The following SLC38A12 variants were observed in gnomAD, a reference collection of about 807,000 sequenced individuals.
The protein encoded by SLC38A12 is putative sodium-coupled neutral amino acid transporter 12.
the SLC38A12 span, among the ~76,000 whole-genome samples, chr17:74,795,345 T>A: frequency 3.3e-5 from 5 of 152,268 alleles, no homozygotes; most frequent in South Asian, 1.0e-3. Context: ...TCCTGAGTCA[T>A]TGGGAAATGG....
the SLC38A12 span, among the ~76,000 whole-genome samples, chr17:74,784,187 G>A: frequency 2.4e-4 from 37 of 152,240 alleles, no homozygotes; most frequent in African/African-American, 7.5e-4. Context: ...AATGAGAAAT[G>A]GGTAAGCATT....
At chr17:74,818,845 TC>T in the SLC38A12 span, among the ~76,000 whole-genome samples, 1 of 152,152 alleles carries the variant, frequency 6.6e-6, no homozygotes, top group African/African-American at 2.4e-5. Flanking sequence ...ATTCCTCTAC[TC>T]CCTGAGCAAC....
At chr17:74,790,913 C>T in the SLC38A12 span, 5 of 1,588,000 alleles carry the variant, frequency 3.1e-6, no homozygotes, top group East Asian at 2.2e-5. Context: ...AAGCTCTCCA[C>T]GTGAAGAACC....
At chr17:74,789,845 CAAAAAAAAAAAA>C in the SLC38A12 span, among the ~76,000 whole-genome samples, 2 of 47,434 alleles carry the variant, frequency 4.2e-5, no homozygotes, top group African/African-American at 7.3e-5. Context: ...AACTTCGTCT[CAAAAAAAAAAAA>C]AAAAAAAAAA....
At chr17:74,789,722 G>C in the SLC38A12 span, among the ~76,000 whole-genome samples, 3 of 151,598 alleles carry the variant, frequency 2.0e-5, no homozygotes, top group South Asian at 4.2e-4. Context: ...GCAAGTGCCT[G>C]TAATCTCAGC....
At chr17:74,838,136 C>T in the SLC38A12 span, 1 of 985,664 alleles carries the variant, frequency 1.0e-6, no homozygotes, top group Non-Finnish European at 1.2e-6. Context: ...TCTGCCCTGG[C>T]AGCTGAAGCC....
chr17:74,807,962 T>C, the SLC38A12 span, among the ~76,000 whole-genome samples: 1 of 152,238 alleles, frequency 6.6e-6, no homozygotes. Context: ...AGCCGGGCTG[T>C]CCTCTATAAA....
the SLC38A12 span, among the ~76,000 whole-genome samples, chr17:74,806,535 A>C: frequency 6.6e-6 from 1 of 152,170 alleles, no homozygotes; most frequent in Non-Finnish European, 1.5e-5. Context: ...TGGATCTGTT[A>C]ACTCGGCCGA....
At chr17:74,801,913 C>T in the SLC38A12 span, among the ~76,000 whole-genome samples, 1 of 152,096 alleles carries the variant, frequency 6.6e-6, no homozygotes, top group Non-Finnish European at 1.5e-5. Context: ...TTCAGGTTGC[C>T]TGTCACTCAC....
the SLC38A12 span, among the ~76,000 whole-genome samples, chr17:74,806,137 C>T: frequency 6.6e-6 from 1 of 152,192 alleles, no homozygotes; most frequent in South Asian, 2.1e-4. Context: ...AGATTGATGG[C>T]TCAGAGGGTC....
the SLC38A12 span, chr17:74,795,122 T>C: frequency 2.5e-6 from 4 of 1,612,810 alleles, no homozygotes; most frequent in East Asian, 4.5e-5. Context: ...GTGAGTACCC[T>C]CCTGGCCCCC....
chr17:74,783,721 CTTTTTTTTTTT>C, the SLC38A12 span, among the ~76,000 whole-genome samples: 221 of 103,996 alleles, frequency 2.1e-3, no homozygotes, highest in African/African-American at 7.7e-3. Context: ...CATGCTTTTT[CTTTTTTTTTTT>C]TTTTTTTTTT....
At chr17:74,811,455 T>C in the SLC38A12 span, among the ~76,000 whole-genome samples, 1 of 152,158 alleles carries the variant, frequency 6.6e-6, no homozygotes, top group Non-Finnish European at 1.5e-5. Flanking sequence ...GCATGGTGGC[T>C]CAGGCCTGTA....
the SLC38A12 span, chr17:74,788,694 TG>T: frequency 1.0e-6 from 1 of 998,322 alleles, no homozygotes; most frequent in Admixed American, 2.0e-5. Context: ...TGGTCTGGGC[TG>T]GTGGGTCTGG....
the SLC38A12 span, among the ~76,000 whole-genome samples, chr17:74,804,472 G>A: frequency 1.3e-5 from 2 of 152,252 alleles, no homozygotes; most frequent in Admixed American, 6.5e-5. Context: ...GGCTATGATG[G>A]CCCTTACACA....
the SLC38A12 span, chr17:74,837,619 A>G: frequency 2.0e-6 from 2 of 985,392 alleles, no homozygotes; most frequent in Non-Finnish European, 2.4e-6. Flanking sequence ...CAACACTAAA[A>G]GCGGCTCCCT....
chr17:74,778,409 G>T, the SLC38A12 span, among the ~76,000 whole-genome samples: 1 of 152,174 alleles, frequency 6.6e-6, no homozygotes, highest in Non-Finnish European at 1.5e-5. Flanking sequence ...TTCAACAGCT[G>T]CCCTGCCTTG....
At chr17:74,811,664 C>T in the SLC38A12 span, among the ~76,000 whole-genome samples, 18 of 151,506 alleles carry the variant, frequency 1.2e-4, no homozygotes, top group Middle Eastern at 3.5e-3. Flanking sequence ...GAGGTTGCCG[C>T]GAGCCAAGAT....
chr17:74,777,578 G>A, the SLC38A12 span: 3 of 1,518,650 alleles, frequency 2.0e-6, no homozygotes, highest in Non-Finnish European at 2.6e-6. Context: ...TCTTTTTAAG[G>A]TGTTTGTCAG....
Sources: allele counts gnomAD v4.1 joint callset (sites outside exome capture counted in the v4.1 genomes callset), GRCh38; gene constraint gnomAD v4.1.1; transcripts MANE v1.5; gene names NCBI Gene and HGNC (gene_info 2026-07-23, HGNC 2026-07-21).